The following UBE2E2 variants were observed in gnomAD, a reference collection of about 807,000 sequenced individuals.
The protein encoded by UBE2E2 is ubiquitin conjugating enzyme E2 E2, also known as ubiquitin-conjugating enzyme E2 E2.
UBE2E2 carries 6 observed loss-of-function variants against 24.7 expected under a neutral mutation model. That is an observed-to-expected ratio of 0.24 (90% CI 0.13 to 0.48). The LOEUF is 0.48. Ranked by LOEUF, UBE2E2 falls within the 20% of genes least tolerant of loss-of-function variation. The pLI is 0.99. For missense variants in UBE2E2, 169 were observed against 245.0 expected (o/e 0.69, Z 2.07); for synonymous variants, 104 against 83.6 (o/e 1.24, Z -1.33).
At chr3:23,492,992 G>A (rs1699531407) in intron 3 of UBE2E2, among the ~76,000 whole-genome samples, 1 of 151,964 alleles carries the variant, frequency 6.6e-6, no homozygotes, top group Non-Finnish European at 1.5e-5. Context: ...AATTACTAAT[G>A]AGATATTTTA....
intron 4 of UBE2E2, among the ~76,000 whole-genome samples, chr3:23,521,712 T>G (rs530475666): frequency 6.6e-6 from 1 of 152,182 alleles, no homozygotes; most frequent in South Asian, 2.1e-4. Context: ...AAGGTTTTGT[T>G]TGTTTGTTTG....
intron 4 of UBE2E2, among the ~76,000 whole-genome samples, chr3:23,507,827 A>G (rs1559406329): frequency 6.6e-6 from 1 of 152,216 alleles, no homozygotes; most frequent in East Asian, 1.9e-4. Flanking sequence ...TGAGGAGGAA[A>G]GAATGTTAGA....
chr3:23,311,663 A>G (rs1694396841), intron 3 of UBE2E2, among the ~76,000 whole-genome samples: 1 of 152,156 alleles, frequency 6.6e-6, no homozygotes, highest in Non-Finnish European at 1.5e-5. Flanking sequence ...AACATGTTAT[A>G]CCTTTGGAAA....
intron 3 of UBE2E2, among the ~76,000 whole-genome samples, chr3:23,452,909 C>G (rs990001173): frequency 6.6e-6 from 1 of 152,124 alleles, no homozygotes; most frequent in African/African-American, 2.4e-5. Context: ...CCCCTTTACT[C>G]AAATAGCAAC....
At chr3:23,340,096 AC>A (rs1163619022) in intron 3 of UBE2E2, among the ~76,000 whole-genome samples, 1 of 152,086 alleles carries the variant, frequency 6.6e-6, no homozygotes, top group African/African-American at 2.4e-5. Flanking sequence ...TACGTAGTTA[AC>A]CTATATTGGA....
intron 3 of UBE2E2, among the ~76,000 whole-genome samples, chr3:23,278,175 T>C (rs551956419): frequency 2.6e-5 from 4 of 152,192 alleles, no homozygotes; most frequent in South Asian, 4.1e-4. Context: ...TCAACACTCA[T>C]CAAAGTATAC....
chr3:23,384,092 C>G (rs1696746513), intron 3 of UBE2E2, among the ~76,000 whole-genome samples: 1 of 152,104 alleles, frequency 6.6e-6, no homozygotes, highest in South Asian at 2.1e-4. Flanking sequence ...AACTCCTGGG[C>G]TCAAGCAATC....
chr3:23,451,461 G>A (rs1158901314), intron 3 of UBE2E2, among the ~76,000 whole-genome samples: 3 of 152,156 alleles, frequency 2.0e-5, no homozygotes, highest in Admixed American at 6.5e-5. Context: ...GGGTTGCTGA[G>A]CTGATCGGTG....
At chr3:23,495,702 G>A (rs908290816) in intron 3 of UBE2E2, among the ~76,000 whole-genome samples, 1 of 152,134 alleles carries the variant, frequency 6.6e-6, no homozygotes, top group Non-Finnish European at 1.5e-5. Context: ...CTGAGTGAGT[G>A]AGCTTGTCTG....
chr3:23,203,641 C>T (rs1696034618), intron 1 of UBE2E2, among the ~76,000 whole-genome samples, 177 bp downstream of exon 1: 1 of 140,048 alleles, frequency 7.1e-6, no homozygotes. Context: ...CTCCCGCGAG[C>T]CTCCTGCCCC....
chr3:23,328,976 C>A (rs1176515350), intron 3 of UBE2E2, among the ~76,000 whole-genome samples: 1 of 152,152 alleles, frequency 6.6e-6, no homozygotes, highest in East Asian at 1.9e-4. Flanking sequence ...ATGCCTTAAT[C>A]TCGATAGGCT....
At chr3:23,543,913 A>C (rs957697695) in intron 5 of UBE2E2, among the ~76,000 whole-genome samples, 2 of 152,070 alleles carry the variant, frequency 1.3e-5, no homozygotes, top group Non-Finnish European at 2.9e-5. Flanking sequence ...AATAAAGCCA[A>C]ATACAGCCAA....
At chr3:23,375,826 T>C (rs576926404) in intron 3 of UBE2E2, among the ~76,000 whole-genome samples, 1 of 152,192 alleles carries the variant, frequency 6.6e-6, no homozygotes, top group East Asian at 1.9e-4. Context: ...TTCACTCTTG[T>C]TGCAGTTATT....
At chr3:23,494,671 G>A (rs1479678205) in intron 3 of UBE2E2, among the ~76,000 whole-genome samples, 1 of 152,120 alleles carries the variant, frequency 6.6e-6, no homozygotes, top group Admixed American at 6.6e-5. Context: ...AATGTTAGAA[G>A]AGTCCAGGTT....
At chr3:23,257,307 A>G (rs933326114) in intron 3 of UBE2E2, among the ~76,000 whole-genome samples, 1 of 152,154 alleles carries the variant, frequency 6.6e-6, no homozygotes, top group African/African-American at 2.4e-5. Context: ...TCATCAGAGC[A>G]GGACTAGCTC....
intron 3 of UBE2E2, among the ~76,000 whole-genome samples, chr3:23,454,863 T>G (rs766235202): frequency 1.3e-4 from 20 of 152,220 alleles, no homozygotes; most frequent in Non-Finnish European, 2.5e-4. Context: ...ACTCAAAATT[T>G]GAACTTTGCA....
chr3:23,393,588 T>A (rs887938393), intron 3 of UBE2E2, among the ~76,000 whole-genome samples: 1 of 152,190 alleles, frequency 6.6e-6, no homozygotes, highest in African/African-American at 2.4e-5. Context: ...AACCACTGTT[T>A]TAGAGGCACG....
chr3:23,556,563 T>C (rs1340979806), intron 5 of UBE2E2, among the ~76,000 whole-genome samples: 1 of 151,386 alleles, frequency 6.6e-6, no homozygotes, highest in Non-Finnish European at 1.5e-5. Context: ...AAAACCAGCT[T>C]ATCCTAGATT....
At chr3:23,443,541 A>T (rs1409671646) in intron 3 of UBE2E2, among the ~76,000 whole-genome samples, 1 of 152,170 alleles carries the variant, frequency 6.6e-6, no homozygotes, top group East Asian at 1.9e-4. Flanking sequence ...TTGGCCAAAG[A>T]TTCATCTTTC....
Sources: allele counts gnomAD v4.1 joint callset (sites outside exome capture counted in the v4.1 genomes callset), GRCh38; gene constraint gnomAD v4.1.1; transcripts MANE v1.5; gene names NCBI Gene and HGNC (gene_info 2026-07-23, HGNC 2026-07-21).